The following SARS1 variants were observed in gnomAD, a reference collection of about 807,000 sequenced individuals.
SARS1 encodes seryl-tRNA synthetase 1.
Under a neutral mutation model 63.7 loss-of-function variants are expected in SARS1, and 25 were observed. The observed-to-expected ratio is 0.39, with a 90% CI of 0.29 to 0.55. The LOEUF is 0.55. Ranked by LOEUF, SARS1 falls within the 20% of genes least tolerant of loss-of-function variation. SARS1 has a pLI of 0.62. For synonymous variants in SARS1, 231 were observed against 243.5 expected, an observed-to-expected ratio of 0.95 and a Z score of 0.48; for missense variants, 417 against 649.7, an observed-to-expected ratio of 0.64 and a Z score of 3.89.
At chr1:109,226,677 A>ATATATATATATATATATATACAC (rs1553177727) in intron 2 of SARS1, among the ~76,000 whole-genome samples, 1 of 44,980 alleles carries the variant, frequency 2.2e-5, no homozygotes, top group African/African-American at 8.3e-5. Flanking sequence ...AAAAAAAAAA[A>ATATATATATATATATATATACAC]ATATATATAT....
chr1:109,236,240 C>G, intron 8 of SARS1, 134 bp downstream of exon 8: 1 of 1,305,410 alleles, frequency 7.7e-7, no homozygotes, highest in Non-Finnish European at 1.1e-6. Flanking sequence ...TTACACTCTT[C>G]TCACTTGGGA....
chr1:109,227,478 T>A (rs764847233), intron 2 of SARS1, among the ~76,000 whole-genome samples: 2 of 152,232 alleles, frequency 1.3e-5, no homozygotes, highest in Non-Finnish European at 2.9e-5. Flanking sequence ...ACATTGATTG[T>A]TCTAAACTGA....
At chr1:109,226,673 A>ATATAT (rs1362263446) in intron 2 of SARS1, among the ~76,000 whole-genome samples, 15 of 32,088 alleles carry the variant, frequency 4.7e-4, no homozygotes, top group African/African-American at 1.0e-3. Context: ...TAAAAAAAAA[A>ATATAT]AAAAATATAT....
At chr1:109,223,352 C>T (rs1654995431) in intron 1 of SARS1, among the ~76,000 whole-genome samples, 1 of 152,204 alleles carries the variant, frequency 6.6e-6, no homozygotes, top group African/African-American at 2.4e-5. Flanking sequence ...GATAATTGGG[C>T]AGGTTAGTTA....
intron 4 of SARS1, among the ~76,000 whole-genome samples, chr1:109,230,428 G>A (rs1481803593): frequency 2.0e-5 from 3 of 152,166 alleles, no homozygotes; most frequent in South Asian, 2.1e-4. Flanking sequence ...ATGAGACACA[G>A]TAGTGTTTGA....
At chr1:109,225,116 ATAAAT>A (rs1437054139) in intron 2 of SARS1, among the ~76,000 whole-genome samples, 1 of 152,182 alleles carries the variant, frequency 6.6e-6, no homozygotes, top group Admixed American at 6.5e-5. Context: ...TCCAAAATAA[ATAAAT>A]TAATTAATTA....
In SARS1 at chr1:109,235,766, A is replaced by T. The variant is rs1655293433; in HGVS notation, c.970-211A>T. 6.6e-6 allele frequency among the ~76,000 whole-genome samples: 1 copy of T among 152,168 alleles called. No individual in the cohort carries two copies. Among genetic ancestry groups the T allele is most frequent in the Non-Finnish European group, 1.5e-5 (1 of 68,022 alleles). ...TTGTGAGGATTATCCCAGTCACTAT[A>T]TGTAAAGCACTCAGAACAGGGGCTG... is the stretch of plus-strand genomic sequence containing the variant. On this transcript the variant is annotated intron_variant, in intron 7 of 10. Coordinates refer to ENST00000234677, the MANE Select transcript of SARS1 (RefSeq NM_006513.4). This position sits in a 1 kb window ranked among gnomAD's most constrained non-coding sequence, Gnocchi z 4.7.
chr1:109,226,550 G>T (rs1655080691), intron 2 of SARS1, among the ~76,000 whole-genome samples: 1 of 148,546 alleles, frequency 6.7e-6, no homozygotes, highest in South Asian at 2.1e-4. Context: ...CTGGAGTGCA[G>T]TGGCACAAGC....
At chr1:109,236,155 G>C in intron 8 of SARS1, 49 bp downstream of exon 8, 2 of 1,582,754 alleles carry the variant, frequency 1.3e-6, no homozygotes, top group South Asian at 2.3e-5. Flanking sequence ...AATCCCAGAC[G>C]CCACCCTTAC....
Position 109,236,568 on chromosome 1 carries a change from G to A in SARS1, c.1257+20G>A, listed in dbSNP as rs1411190357. ...GACAAGGTAGATGGCCCCCAGGGAGGTGGGAAGCAGAGTCTTCAGTACACG... is the reference window on the plus strand; with the variant it reads ...GACAAGGTAGATGGCCCCCAGGGAGATGGGAAGCAGAGTCTTCAGTACACG... On this transcript the variant is annotated intron_variant, in intron 9 of 10. Coordinates refer to ENST00000234677, the MANE Select transcript of SARS1 (RefSeq NM_006513.4). 6.3e-7 allele frequency: 1 copy of A among 1,594,664 alleles called. No individual in the cohort carries two copies. The highest frequency in any genetic ancestry group is 8.6e-7 in the Non-Finnish European group (1 of 1,163,792).
At chr1:109,225,381 G>A (rs1570757354) in intron 2 of SARS1, among the ~76,000 whole-genome samples, 1 of 152,022 alleles carries the variant, frequency 6.6e-6, no homozygotes, top group East Asian at 1.9e-4. Flanking sequence ...TTCTTTCTGT[G>A]GGACTTAGTC....
chr1:109,216,085 G>A, intron 1 of SARS1: 1 of 985,146 alleles, frequency 1.0e-6, no homozygotes, highest in South Asian at 4.7e-5. Flanking sequence ...GCATCCAAAT[G>A]GAATTTATGT....
At chr1:109,218,632 C>T (rs1455274210) in intron 1 of SARS1, among the ~76,000 whole-genome samples, 3 of 152,088 alleles carry the variant, frequency 2.0e-5, no homozygotes, top group Non-Finnish European at 2.9e-5. Flanking sequence ...TACCACTTCC[C>T]ACATAGGGCC....
rs955427613 is a variant in SARS1, at chr1:109,216,523, A to G, written c.136+2395A>G. 3.6e-5 allele frequency: 35 copies of G among 985,072 alleles called. No homozygotes were observed. The Middle Eastern group carries it at 1.5e-3, about 44-fold the overall frequency. The allele number at this position is 985,072 out of a possible 1,614,324, so 61.0% of individuals were successfully genotyped here. A position where few individuals can be genotyped will look rare whatever the true frequency, so the allele number is the denominator to read the frequency against. ...CCACTCCCAAAGCAAATAGATTTCC[A>G]TGTAACTGGAAATCTGCTGCAAACC... is the stretch of plus-strand genomic sequence containing the variant. On this transcript the variant is annotated intron_variant, in intron 1 of 10. Coordinates refer to ENST00000234677, the MANE Select transcript of SARS1 (RefSeq NM_006513.4).
intron 6 of SARS1, among the ~76,000 whole-genome samples, chr1:109,234,841 C>T (rs1655276969): frequency 6.6e-6 from 1 of 152,152 alleles, no homozygotes; most frequent in African/African-American, 2.4e-5. Context: ...TGGCGCGTGC[C>T]TGTAATCCCA....
intron 3 of SARS1, 95 bp from the exon 4 acceptor site, chr1:109,229,319 C>T: frequency 7.7e-7 from 1 of 1,297,550 alleles, no homozygotes; most frequent in Non-Finnish European, 1.1e-6. Flanking sequence ...CAAGGGCTAT[C>T]TTTAGAGCAC....
At chr1:109,230,792 A>G in intron 4 of SARS1, 86 bp from the exon 5 acceptor site, 1 of 1,265,648 alleles carries the variant, frequency 7.9e-7, no homozygotes, top group Non-Finnish European at 1.1e-6. Flanking sequence ...ATGACGGCGT[A>G]AGACCCTGTC....
At chr1:109,221,141 A>G (rs1654919124) in intron 1 of SARS1, among the ~76,000 whole-genome samples, 1 of 151,208 alleles carries the variant, frequency 6.6e-6, no homozygotes, top group Non-Finnish European at 1.5e-5. Context: ...GCTCACTGCA[A>G]CCTCCACCTC....
chr1:109,223,587 C>T (rs899037424), intron 1 of SARS1, among the ~76,000 whole-genome samples: 26 of 152,132 alleles, frequency 1.7e-4, no homozygotes, highest in African/African-American at 2.7e-4. Flanking sequence ...TTTGGGAGGG[C>T]GAGGTCAGGA....
Sources: allele counts gnomAD v4.1 joint callset (sites outside exome capture counted in the v4.1 genomes callset), GRCh38; gene constraint gnomAD v4.1.1; non-coding constraint Gnocchi (gnomAD v3.1); transcripts MANE v1.5; gene names NCBI Gene and HGNC (gene_info 2026-07-23, HGNC 2026-07-21).